SCN2A: variants seen among roughly 807,000 people sequenced by gnomAD.
SCN2A encodes the protein sodium channel protein type 2 subunit alpha.
SCN2A carries 20 observed loss-of-function variants against 188.7 expected under a neutral mutation model. That is an observed-to-expected ratio of 0.11 (90% CI 0.07 to 0.15). SCN2A has a LOEUF of 0.15. Ranked by LOEUF, SCN2A falls within the 10% of genes least tolerant of loss-of-function variation. SCN2A has a pLI of 1.00. For synonymous variants in SCN2A, 804 were observed against 833.1 expected, an observed-to-expected ratio of 0.97 and a Z score of 0.60; for missense variants, 1,278 against 2,445.0, an observed-to-expected ratio of 0.52 and a Z score of 10.07.
chr2:165,346,342 C>T (rs1574646057), intron 16 of SCN2A, among the ~76,000 whole-genome samples: 1 of 152,284 alleles, frequency 6.6e-6, no homozygotes, highest in Non-Finnish European at 1.5e-5. Flanking sequence ...TTCAGGTACA[C>T]CAATCAAACT....
chr2:165,272,286 A>G (rs1206417340), intron 1 of SCN2A: 3 of 152,126 alleles, frequency 2.0e-5, no homozygotes, highest in African/African-American at 2.4e-5. Context: ...TTTATTGGGG[A>G]AAAAAAGGCC....
At chr2:165,288,138 G>A (rs1411298748) in intron 1 of SCN2A, among the ~76,000 whole-genome samples, 2 of 152,092 alleles carry the variant, frequency 1.3e-5, no homozygotes, top group Admixed American at 1.3e-4. Context: ...CATTTGTATT[G>A]ATTTGTGTCT....
At chr2:165,383,679 A>G (rs1169511187) in intron 25 of SCN2A, among the ~76,000 whole-genome samples, 1 of 152,190 alleles carries the variant, frequency 6.6e-6, no homozygotes, top group African/African-American at 2.4e-5. Flanking sequence ...GCAGATTAAT[A>G]AAAGTGGATG....
At chr2:165,353,059 T>C (rs1700009518) in intron 16 of SCN2A, among the ~76,000 whole-genome samples, 1 of 152,090 alleles carries the variant, frequency 6.6e-6, no homozygotes, top group African/African-American at 2.4e-5. Context: ...TTGTCTTTTT[T>C]TTTTTTTCCA....
intron 17 of SCN2A, among the ~76,000 whole-genome samples, chr2:165,358,495 T>C (rs1288474883): frequency 6.6e-6 from 1 of 152,146 alleles, no homozygotes; most frequent in Non-Finnish European, 1.5e-5. Context: ...AACAGTATTT[T>C]GTATTTAGAA....
In SCN2A at chr2:165,265,635, T is replaced by C. The variant is rs1694824098; in HGVS notation, c.-52+25995T>C. On this transcript the variant is annotated intron_variant, in intron 1 of 26. Transcript: ENST00000375437. ...TTTTTCCCACTATCAACCTCCATAG[T>C]AAAACTATAGTTAGGCTTTCCTTCA... is the stretch of plus-strand genomic sequence containing the variant. Among the ~76,000 whole-genome samples, 5 of 150,130 alleles carry C rather than the reference T, an allele frequency of 3.3e-5. No individual in the cohort carries two copies. The South Asian group carries it at 1.1e-3, about 32-fold the overall frequency.
At chr2:165,253,017 A>G (rs1228105890) in intron 1 of SCN2A, among the ~76,000 whole-genome samples, 1 of 152,038 alleles carries the variant, frequency 6.6e-6, no homozygotes, top group East Asian at 1.9e-4. Context: ...AAGAATGGGA[A>G]TTTTGAAGTT....
Position 165,293,859 on chromosome 2 carries a change from C to T in SCN2A, c.-51-1914C>T, listed in dbSNP as rs886054989. On this transcript the variant is annotated intron_variant, in intron 1 of 26. Transcript: ENST00000375437. ...TGCTTCAGACATATGTCTGTGTGTA[C>T]GCTGTGAAGGTGTTTCTCTTCACAG... 5 of 984,736 alleles carry T rather than the reference C, an allele frequency of 5.1e-6. No individual in the cohort carries two copies. Among genetic ancestry groups the T allele is most frequent in the African/African-American group, 3.5e-5 (2 of 57,056 alleles). 61.0% of individuals were successfully genotyped at this position (984,736 alleles called of 1,614,324 possible).
chr2:165,304,524 A>G (rs1170502069), intron 3 of SCN2A, among the ~76,000 whole-genome samples: 1 of 152,280 alleles, frequency 6.6e-6, no homozygotes, highest in African/African-American at 2.4e-5. Context: ...ACTGTGAAAT[A>G]GCAAGGCTAT....
intron 1 of SCN2A, chr2:165,273,215 G>A (rs935025194): frequency 6.6e-6 from 1 of 152,142 alleles, no homozygotes; most frequent in Non-Finnish European, 1.5e-5. Context: ...TCTAGATAGT[G>A]TTAATATTGA....
At chr2:165,304,432 T>A (rs903968542) in intron 3 of SCN2A, among the ~76,000 whole-genome samples, 1 of 152,238 alleles carries the variant, frequency 6.6e-6, no homozygotes, top group Non-Finnish European at 1.5e-5. Flanking sequence ...GCTGTATTTT[T>A]AAATAATTTA....
At chr2:165,350,584 T>C (rs1265501536) in intron 16 of SCN2A, among the ~76,000 whole-genome samples, 2 of 145,220 alleles carry the variant, frequency 1.4e-5, no homozygotes, top group African/African-American at 5.1e-5. Flanking sequence ...GCCATTCTCC[T>C]GCCTCAGCCT....
intron 1 of SCN2A, among the ~76,000 whole-genome samples, chr2:165,252,216 T>G (rs1042565745): frequency 9.2e-5 from 14 of 152,100 alleles, no homozygotes; most frequent in Admixed American, 2.0e-4. Context: ...AAATATCCCA[T>G]GCATATATTC....
intron 1 of SCN2A, among the ~76,000 whole-genome samples, chr2:165,280,686 C>T (rs1190019676): frequency 6.6e-6 from 1 of 152,172 alleles, no homozygotes; most frequent in African/African-American, 2.4e-5. Context: ...CCTGTGGGAT[C>T]ATAATAAAGC....
At chr2:165,280,157 A>T (rs185305781) in intron 1 of SCN2A, among the ~76,000 whole-genome samples, 54 of 152,252 alleles carry the variant, frequency 3.5e-4, no homozygotes, top group African/African-American at 1.2e-3. Context: ...TGAATGCAGG[A>T]GATAGAACCT....
At position 165,323,357 on chromosome 2, in the gene SCN2A, G is replaced by A; in HGVS notation, c.1873G>A (p.Val625Ile). 2 of 1,614,170 alleles carry A rather than the reference G, an allele frequency of 1.2e-6. No homozygotes were observed. Among genetic ancestry groups the A allele is most frequent in the Non-Finnish European group, 1.7e-6 (2 of 1,180,028 alleles). ...ACATGGAGAACGGCGCCACAGCAATGTCAGCCAGGCCAGCCGTGCCTCCAG... is the reference window on the plus strand; with the variant it reads ...ACATGGAGAACGGCGCCACAGCAATATCAGCCAGGCCAGCCGTGCCTCCAG... ...HRHGERRHSN[V>I]SQASRASRVL... Residue 625 changes from valine to isoleucine, a missense_variant, in exon 12 of 27, where the codon GTC (valine) becomes ATC (isoleucine). By Grantham distance (29) the Val-to-Ile change is conservative. Transcript: ENST00000375437.
chr2:165,354,760 C>A, intron 17 of SCN2A, 89 bp downstream of exon 17: 13 of 1,332,086 alleles, frequency 9.8e-6, no homozygotes, highest in Non-Finnish European at 1.4e-5. Flanking sequence ...GTGTTTCCTT[C>A]CTGTTAAGAA....
At chr2:165,372,670 G>A (rs1701103070) in intron 20 of SCN2A, 1 of 151,860 alleles carries the variant, frequency 6.6e-6, no homozygotes, top group Non-Finnish European at 1.5e-5. Flanking sequence ...CACTAATTTT[G>A]TCTGACCTAA....
intron 13 of SCN2A, among the ~76,000 whole-genome samples, chr2:165,330,764 T>C (rs1698629901): frequency 6.6e-6 from 1 of 152,122 alleles, no homozygotes; most frequent in African/African-American, 2.4e-5. Context: ...GCCCTCTAGT[T>C]AAATGAGAAA....
Sources: allele counts gnomAD v4.1 joint callset (sites outside exome capture counted in the v4.1 genomes callset), GRCh38; gene constraint gnomAD v4.1.1; transcripts MANE v1.5; gene names NCBI Gene and HGNC (gene_info 2026-07-23, HGNC 2026-07-21).